Variants in ADAMTS13 observed in about 807,000 individuals in gnomAD.
The protein encoded by ADAMTS13 is ADAM metallopeptidase with thrombospondin type 1 motif 13.
Under a neutral mutation model 155.1 loss-of-function variants are expected in ADAMTS13, and 110 were observed. The ratio of observed to expected loss-of-function variants is 0.71; its 90% CI spans 0.61 to 0.83. The LOEUF (loss-of-function observed/expected upper bound fraction) is 0.83, where lower values mean the gene tolerates loss of function less well. Ranked by LOEUF, ADAMTS13 falls within the 40% of genes least tolerant of loss-of-function variation. The pLI is 0.00. For missense variants in ADAMTS13, 1,707 were observed against 1,891.7 expected (o/e 0.90, Z 1.81); for synonymous variants, 758 against 756.4 (o/e 1.00, Z -0.03).
intron 23 of ADAMTS13, among the ~76,000 whole-genome samples, chr9:133,453,233 G>A (rs1217877146): frequency 3.9e-5 from 6 of 152,148 alleles, no homozygotes; most frequent in African/African-American, 1.4e-4. Context: ...TCAGGAGATC[G>A]AGACCATCCT....
rs1554792331 is a variant in ADAMTS13, at chr9:133,445,686, C to T, written c.2611-13C>T. 6.2e-7 allele frequency: 1 copy of T among 1,612,892 alleles called. No individual in the cohort carries two copies. The highest frequency in any genetic ancestry group is 8.5e-7 in the Non-Finnish European group (1 of 1,179,856). On this transcript the variant is annotated splice_polypyrimidine_tract_variant and intron_variant, in intron 20 of 28. Transcript: ENST00000355699. This position sits in a 1 kb window ranked among gnomAD's most constrained non-coding sequence, Gnocchi z 5.0. ...GAGGCCCAGACCCACCAGCTTGTTG[C>T]TATTCCCCACAGCTGGATGCCACCT...
chr9:133,444,972 G>GGAGCCTC lies in ADAMTS13; in HGVS notation c.2530_2531insGAGCCTC (p.Glu844GlyfsTer10). On this transcript the variant is annotated frameshift_variant, in exon 20 of 29. Transcript: ENST00000355699. LOFTEE classifies it high-confidence loss of function. Reference sequence around the variant, plus strand: ...AGATGGCCTGGAGGCTCCAGTGACTGAGGGGCCTGGCTCCGTAGATGAGAA... The same window carrying GGAGCCTC: ...AGATGGCCTGGAGGCTCCAGTGACTGGAGCCTCAGGGGCCTGGCTCCGTAGATGAGAA... 6.2e-7 allele frequency: 1 copy of GGAGCCTC among 1,613,480 alleles called. No homozygotes were observed. Among genetic ancestry groups the GGAGCCTC allele is most frequent in the Non-Finnish European group, 8.5e-7 (1 of 1,180,030 alleles).
At chr9:133,449,651 G>A in intron 22 of ADAMTS13, 132 bp from the exon 23 acceptor site, 1 of 1,050,180 alleles carries the variant, frequency 9.5e-7, no homozygotes, top group Non-Finnish European at 1.4e-6. Flanking sequence ...GGGGCCTCCA[G>A]AAAGAGAACC....
chr9:133,450,083 A>G, intron 23 of ADAMTS13, 118 bp downstream of exon 23: 11 of 1,266,992 alleles, frequency 8.7e-6, no homozygotes, highest in Non-Finnish European at 1.1e-5. Flanking sequence ...GAACCACTTG[A>G]GTCCAGGAGT....
rs782044465 is a variant in ADAMTS13 at position 133,459,137 on chromosome 9, A to G, written c.4073A>G (p.Glu1358Gly). The change falls in exon 29 of 29, where the codon GAG becomes GGG. Residue 1358 changes from glutamate (E) to glycine (G), a missense_variant. Glu to Gly is a moderately conservative substitution (Grantham distance 98). Around this residue, in one of 3 missense-constraint regions of ADAMTS13, gnomAD observed 961 missense variants for 1,107.9 expected, o/e 0.87. Transcript: ENST00000355699. ...TGGACCCTCCAATCATGGGTACCGG[A>G]GATGCAGGACCCTCAGTCCTGGAAG... ...QYWTLQSWVP[E>G]MQDPQSWKGK... 5 of 1,612,738 alleles carry G rather than the reference A, an allele frequency of 3.1e-6. No homozygotes were observed. The South Asian group carries it at 5.5e-5, about 18-fold the overall frequency.
intron 7 of ADAMTS13, chr9:133,429,626 A>C (rs1000259246): frequency 6.4e-6 from 3 of 466,858 alleles, no homozygotes; most frequent in Non-Finnish European, 4.1e-6. Flanking sequence ...ACCCGCGTAC[A>C]TGTATCCCTG....
At chr9:133,447,345 G>A (rs1490788040) in intron 21 of ADAMTS13, among the ~76,000 whole-genome samples, 1 of 152,086 alleles carries the variant, frequency 6.6e-6, no homozygotes, top group Admixed American at 6.6e-5. Context: ...AGGTTGGAGT[G>A]TAGTGGCACA....
upstream of ADAMTS13, chr9:133,422,069 C>A: frequency 3.6e-6 from 1 of 276,684 alleles, no homozygotes; most frequent in South Asian, 5.7e-5. Context: ...GGGAGTCAGC[C>A]GAGGTCCTGG....
chr9:133,417,057 C>T (rs1191698027), upstream of ADAMTS13, among the ~76,000 whole-genome samples: 4 of 152,248 alleles, frequency 2.6e-5, no homozygotes, highest in African/African-American at 9.6e-5. Flanking sequence ...GTCGCCCAGG[C>T]TGGAGTGCAG....
Position 133,457,951 on chromosome 9 carries a change from A to C in ADAMTS13, c.3766A>C (p.Ser1256Arg). 5.0e-6 allele frequency: 8 copies of C among 1,613,748 alleles called. No homozygotes were observed. Among genetic ancestry groups the C allele is most frequent in the Non-Finnish European group, 6.8e-6 (8 of 1,180,030 alleles). ...QLFGPWGEIV[S>R]PSLSPATSNA... Reference sequence around the variant, plus strand: ...CTTTGGGCCCTGGGGTGAAATCGTGAGCCCCTCGCTGAGTCCAGCCACGAG... The same window carrying C: ...CTTTGGGCCCTGGGGTGAAATCGTGCGCCCCTCGCTGAGTCCAGCCACGAG... Residue 1256 changes from serine to arginine, a missense_variant, in exon 28 of 29, where the codon AGC becomes CGC. Around this residue, in one of 3 missense-constraint regions of ADAMTS13, gnomAD observed 961 missense variants for 1,107.9 expected, o/e 0.87. Coordinates refer to ENST00000355699, the MANE Select transcript of ADAMTS13 (RefSeq NM_139027.6).
At chr9:133,435,997 T>TA (rs1234722116) in intron 11 of ADAMTS13, among the ~76,000 whole-genome samples, 1 of 149,174 alleles carries the variant, frequency 6.7e-6, no homozygotes, top group African/African-American at 2.5e-5. Flanking sequence ...TTTTTTTTTT[T>TA]AATAGAGATG....
chr9:133,454,639 G>A lies in ADAMTS13; in HGVS notation c.3249+20G>A, dbSNP rs781914234. On this transcript the variant is annotated intron_variant, in intron 24 of 28. Coordinates refer to ENST00000355699, the MANE Select transcript of ADAMTS13 (RefSeq NM_139027.6). ...ATGGAGGTGAGCACAGCGGGCACTC[G>A]GAATCCCTATGGGGCTGGGGTGGGC... is the stretch of plus-strand genomic sequence containing the variant. 2.2e-5 allele frequency: 34 copies of A among 1,578,950 alleles called. No individual in the cohort carries two copies. The Admixed American group carries it at 3.0e-4, about 14-fold the overall frequency.
chr9:133,419,798 G>A (rs1479520216), upstream of ADAMTS13, among the ~76,000 whole-genome samples: 1 of 152,122 alleles, frequency 6.6e-6, no homozygotes, highest in Admixed American at 6.5e-5. Flanking sequence ...GAGTGCAGTG[G>A]CGTGATATCG....
intron 21 of ADAMTS13, among the ~76,000 whole-genome samples, chr9:133,447,303 T>G (rs1554792937): frequency 6.6e-6 from 1 of 151,878 alleles, no homozygotes. Context: ...TCTCTTTTCT[T>G]TTTTGAGACA....
At chr9:133,430,966 T>C (rs1840720534) in intron 8 of ADAMTS13, among the ~76,000 whole-genome samples, 1 of 151,630 alleles carries the variant, frequency 6.6e-6, no homozygotes, top group Non-Finnish European at 1.5e-5. Flanking sequence ...CGCCAAGTCT[T>C]TTTTTTTAAA....
At position 133,425,512 on chromosome 9, in the gene ADAMTS13, C is replaced by T; in HGVS notation, c.331-17C>T. The T allele has an allele frequency of 6.2e-6, 10 of 1,610,014 alleles. No homozygotes were observed. Among genetic ancestry groups the T allele is most frequent in the Non-Finnish European group, 8.5e-6 (10 of 1,178,386 alleles). ...TGCCCACCCGACGGGTTACCTCTCT[C>T]ATCTGCCCTTGCACAGGGGGCAGAA... is the stretch of plus-strand genomic sequence containing the variant. On this transcript the variant is annotated splice_polypyrimidine_tract_variant and intron_variant, in intron 3 of 28. Transcript: ENST00000355699. This position sits in a 1 kb window ranked among gnomAD's most constrained non-coding sequence, Gnocchi z 4.6.
At chr9:133,414,939 G>A (rs782632484) in intron 1 of ADAMTS13, 3 of 1,613,514 alleles carry the variant, frequency 1.9e-6, no homozygotes, top group South Asian at 1.1e-5. Flanking sequence ...ATAATTTTGG[G>A]CTTCTTTTTG....
In ADAMTS13 at chr9:133,428,590, G is replaced by A. The variant is rs1457398633; in HGVS notation, c.687-44G>A. The A allele has an allele frequency of 5.7e-3, 287 of 50,486 alleles. No homozygotes were observed. In the African/African-American group the frequency reaches 0.059, roughly 10 times the overall value. 3.1% of individuals were successfully genotyped at this position (50,486 alleles called of 1,614,324 possible). ...CCGTCCCGCCCCCACCCCCGCCCCC[G>A]CCCCTGCCGGCCGCCTTAGCGCAAC... On this transcript the variant is annotated intron_variant, in intron 6 of 28. Coordinates refer to ENST00000355699, the MANE Select transcript of ADAMTS13 (RefSeq NM_139027.6).
chr9:133,415,543 C>T (rs2130739019), intron 1 of ADAMTS13: 1 of 154,472 alleles, frequency 6.5e-6, no homozygotes, highest in Non-Finnish European at 1.4e-5. Context: ...AGCCACACAC[C>T]TTGGCTGTCA....
Sources: allele counts gnomAD v4.1 joint callset (sites outside exome capture counted in the v4.1 genomes callset), GRCh38; gene constraint gnomAD v4.1.1; regional missense constraint gnomAD v4.1.1; non-coding constraint Gnocchi (gnomAD v3.1); transcripts MANE v1.5; gene names NCBI Gene and HGNC (gene_info 2026-07-23, HGNC 2026-07-21).